UGT1A6: variants seen among roughly 807,000 people sequenced by gnomAD.
UGT1A6 encodes the protein UDP-glucuronosyltransferase 1A6.
In UGT1A6, 32 loss-of-function variants were observed where a neutral mutation model predicts 44.4. The ratio of observed to expected loss-of-function variants is 0.72; its 90% CI spans 0.54 to 0.97. The LOEUF is 0.97. UGT1A6 is among the 50% of genes least tolerant of loss of function. The pLI, the probability that UGT1A6 is intolerant of heterozygous loss-of-function variation, is 0.00. For missense variants in UGT1A6, 685 were observed against 661.9 expected, an observed-to-expected ratio of 1.03 and a Z score of -0.38; for synonymous variants, 238 against 248.5, an observed-to-expected ratio of 0.96 and a Z score of 0.40.
At chr2:233,714,126 C>T (rs866787079) in intron 1 of UGT1A6, among the ~76,000 whole-genome samples, 2 of 152,016 alleles carry the variant, frequency 1.3e-5, no homozygotes, top group Admixed American at 6.5e-5. Context: ...GGAGACTGTT[C>T]GTTTGTAAAA....
At position 233,719,232 on chromosome 2, in the gene UGT1A6, A is replaced by G. The variant is rs1490347566; in HGVS notation, c.861+25367A>G. 6 of 1,614,104 alleles carry G rather than the reference A, an allele frequency of 3.7e-6. No individual in the cohort carries two copies. In the African/African-American group the frequency reaches 8.0e-5, roughly 22 times the overall value. On this transcript the variant is annotated intron_variant, in intron 1 of 4. Coordinates refer to ENST00000305139, the MANE Select transcript of UGT1A6 (RefSeq NM_001072.4). The stretch of plus-strand genomic sequence containing the variant: ...GGAGCTACTGCATAATGAGGCCCTG[A>G]TCAGGCACCTGAATGCTACTTCCTT...
chr2:233,719,204 T>G, intron 1 of UGT1A6: 1 of 1,614,240 alleles, frequency 6.2e-7, no homozygotes, highest in Non-Finnish European at 8.5e-7. Flanking sequence ...ATAGGTGTTG[T>G]GTGGAGCTAC....
chr2:233,747,735 A>C, intron 1 of UGT1A6: 1 of 1,613,360 alleles, frequency 6.2e-7, no homozygotes, highest in Non-Finnish European at 8.5e-7. Flanking sequence ...TTTTTTGAGG[A>C]ACATTCCATG....
intron 1 of UGT1A6, chr2:233,713,149 C>A (rs777655753): frequency 1.2e-6 from 2 of 1,614,172 alleles, no homozygotes; most frequent in Admixed American, 1.7e-5. Flanking sequence ...GACCTCCATG[C>A]GAGAGGCCAC....
Position 233,765,258 on chromosome 2 carries a change from A to G in UGT1A6, c.862-1776A>G, listed in dbSNP as rs28900400. On this transcript the variant is annotated intron_variant, in intron 1 of 4. Coordinates refer to ENST00000305139, the MANE Select transcript of UGT1A6 (RefSeq NM_001072.4). ...AGACTCAGTAATCCCATTACTGGGT[A>G]TATACCCAAAGAAATATAAATTATT... Among the ~76,000 whole-genome samples, 1,446 of 152,334 alleles carry G rather than the reference A, an allele frequency of 9.5e-3. 33 individuals carry two copies. Among genetic ancestry groups the G allele is most frequent in the African/African-American group, 0.033 (1,355 of 41,576 alleles).
rs944669670 is a variant in UGT1A6 at position 233,769,377 on chromosome 2, C to T, written c.1301+938C>T. Reference sequence around the variant, plus strand: ...GTGGTGGCCAGTGGTAGATTTCATCCGACAATAGATACTGTGTGCATATGT... The same window carrying T: ...GTGGTGGCCAGTGGTAGATTTCATCTGACAATAGATACTGTGTGCATATGT... On this transcript the variant is annotated intron_variant, in intron 4 of 4. Transcript: ENST00000305139. The surrounding 1 kb of genome is among the most constrained non-coding windows in gnomAD (Gnocchi z 4.4). 6.6e-5 allele frequency among the ~76,000 whole-genome samples: 10 copies of T among 152,088 alleles called. No individual in the cohort carries two copies. The highest frequency in any genetic ancestry group is 1.0e-4 in the Non-Finnish European group (7 of 68,014).
At chr2:233,748,600 T>C (rs1186894741) in intron 1 of UGT1A6, among the ~76,000 whole-genome samples, 2 of 151,760 alleles carry the variant, frequency 1.3e-5, no homozygotes, top group African/African-American at 4.9e-5. Flanking sequence ...TCAGTGGAAG[T>C]AGAGCAACGA....
intron 1 of UGT1A6, chr2:233,747,383 G>C: frequency 6.2e-7 from 1 of 1,605,558 alleles, no homozygotes; most frequent in Non-Finnish European, 8.5e-7. Context: ...GAGGCCACCA[G>C]GCGGTGGTCC....
At chr2:233,737,974 T>C (rs1690646890) in intron 1 of UGT1A6, among the ~76,000 whole-genome samples, 1 of 152,114 alleles carries the variant, frequency 6.6e-6, no homozygotes, top group South Asian at 2.1e-4. Flanking sequence ...CTAGATTTAA[T>C]ATGGTTTGGC....
At chr2:233,747,282 GC>G in intron 1 of UGT1A6, 1 of 1,600,800 alleles carries the variant, frequency 6.2e-7, no homozygotes, top group Non-Finnish European at 8.5e-7. Context: ...TCAGTGCCCA[GC>G]CCTGGGCTGA....
intron 1 of UGT1A6, chr2:233,761,265 GC>G: frequency 2.5e-6 from 4 of 1,595,896 alleles, no homozygotes; most frequent in Non-Finnish European, 3.4e-6. Context: ...AATTTAAAAT[GC>G]CCTCTTTTGT....
intron 1 of UGT1A6, chr2:233,747,693 C>T: frequency 6.2e-7 from 1 of 1,611,232 alleles, no homozygotes; most frequent in South Asian, 1.1e-5. Flanking sequence ...TGGGGCAGTG[C>T]TGGCTAAGTA....
chr2:233,710,141 G>C (rs1559356797), intron 1 of UGT1A6, among the ~76,000 whole-genome samples: 1 of 152,156 alleles, frequency 6.6e-6, no homozygotes, highest in Non-Finnish European at 1.5e-5. Context: ...TCATTGTATA[G>C]ATATATCATC....
At chr2:233,748,943 C>G (rs1694067259) in intron 1 of UGT1A6, among the ~76,000 whole-genome samples, 1 of 151,688 alleles carries the variant, frequency 6.6e-6, no homozygotes, top group Admixed American at 6.6e-5. Flanking sequence ...CAAACCCACC[C>G]TATCCCACTC....
chr2:233,713,202 G>C, intron 1 of UGT1A6: 1 of 1,614,240 alleles, frequency 6.2e-7, no homozygotes, highest in South Asian at 1.1e-5. Flanking sequence ...GTACATCAAA[G>C]AAGAGAACTT....
chr2:233,735,745 A>T lies in UGT1A6; in HGVS notation c.862-31289A>T, dbSNP rs1416726513. Among the ~76,000 whole-genome samples, 5 of 152,186 alleles carry T rather than the reference A, an allele frequency of 3.3e-5. No individual in the cohort carries two copies. The East Asian group carries it at 9.6e-4, about 29-fold the overall frequency. ...CTCAGCATTTGCTTGTCTATAAAGG[A>T]TTTTATTTCTCCTTCACTTATGAAG... On this transcript the variant is annotated intron_variant, in intron 1 of 4. Coordinates refer to ENST00000305139, the MANE Select transcript of UGT1A6 (RefSeq NM_001072.4).
intron 1 of UGT1A6, chr2:233,747,117 G>A: frequency 1.4e-6 from 2 of 1,451,680 alleles, no homozygotes; most frequent in Admixed American, 2.0e-5. Context: ...ATGATGATTT[G>A]CTAAGTGGCT....
At position 233,768,344 on chromosome 2, in the gene UGT1A6, C is replaced by T. The variant is rs114941320; in HGVS notation, c.1206C>T (p.Arg402=). 1 of 1,614,076 alleles carries T rather than the reference C, an allele frequency of 6.2e-7. No individual in the cohort carries two copies. The highest frequency in any genetic ancestry group is 2.2e-5 in the East Asian group (1 of 44,874). The change falls in exon 4 of 5, where the codon CGC becomes CGT. Residue 402 remains arginine (R), a synonymous_variant. Coordinates refer to ENST00000305139, the MANE Select transcript of UGT1A6 (RefSeq NM_001072.4). ...GTGATCAGATGGACAATGCAAAGCG[C>T]ATGGAGACTAAGGGAGCTGGAGTGA... is the stretch of plus-strand genomic sequence containing the variant. ...LFGDQMDNAK[R]METKGAGVTL...
At chr2:233,770,978 T>C (rs1192605361) in intron 4 of UGT1A6, 1 of 152,076 alleles carries the variant, frequency 6.6e-6, no homozygotes, top group Non-Finnish European at 1.5e-5. Flanking sequence ...CAGAAGGCAA[T>C]GCGGGAGCTT....
Sources: allele counts gnomAD v4.1 joint callset (sites outside exome capture counted in the v4.1 genomes callset), GRCh38; gene constraint gnomAD v4.1.1; non-coding constraint Gnocchi (gnomAD v3.1); transcripts MANE v1.5; gene names NCBI Gene and HGNC (gene_info 2026-07-23, HGNC 2026-07-21).